Variants in LDLRAD4 observed in about 807,000 individuals in gnomAD.
LDLRAD4 encodes the protein low density lipoprotein receptor class A domain containing 4, also known as low-density lipoprotein receptor class A domain-containing protein 4.
LDLRAD4 carries 5 observed loss-of-function variants against 17.0 expected under a neutral mutation model. That is an observed-to-expected ratio of 0.29 (90% CI 0.15 to 0.62). The LOEUF (loss-of-function observed/expected upper bound fraction) is 0.62. Among genes scored for constraint, LDLRAD4 ranks in the 20% least tolerant of loss-of-function variants. The pLI is 0.84. For missense variants in LDLRAD4, 340 were observed against 424.7 expected (o/e 0.80, Z 1.75); for synonymous variants, 168 against 171.8 (o/e 0.98, Z 0.17).
intron 1 of LDLRAD4, among the ~76,000 whole-genome samples, chr18:13,315,757 C>G (rs1481233708): frequency 1.4e-5 from 2 of 145,474 alleles, no homozygotes; most frequent in African/African-American, 5.2e-5. Flanking sequence ...GCACTCCAGC[C>G]TGGGCAACAA....
intron 3 of LDLRAD4, chr18:13,488,494 T>A (rs1200053480): frequency 6.6e-6 from 1 of 152,260 alleles, no homozygotes; most frequent in Non-Finnish European, 1.5e-5. Flanking sequence ...CTATTTCTTG[T>A]AACCAGCCAG....
chr18:13,543,234 A>C (rs1277893017), intron 3 of LDLRAD4: 1 of 152,166 alleles, frequency 6.6e-6, no homozygotes, highest in Non-Finnish European at 1.5e-5. Context: ...AGGGCCTGGG[A>C]CAACCACGGG....
At chr18:13,261,767 G>A (rs891943114) in intron 1 of LDLRAD4, among the ~76,000 whole-genome samples, 6 of 152,182 alleles carry the variant, frequency 3.9e-5, no homozygotes, top group African/African-American at 1.4e-4. Context: ...TGGCTTACCC[G>A]GCTGCAGGCA....
intron 3 of LDLRAD4, among the ~76,000 whole-genome samples, chr18:13,468,383 C>T (rs1390542986): frequency 6.6e-6 from 1 of 152,138 alleles, no homozygotes; most frequent in Non-Finnish European, 1.5e-5. Flanking sequence ...GAAATAGGAA[C>T]ACTTTTACAC....
chr18:13,645,191 T>A lies in LDLRAD4; in HGVS notation c.455T>A (p.Phe152Tyr). 1 of 1,614,098 alleles carries A rather than the reference T, an allele frequency of 6.2e-7. No homozygotes were observed. The highest frequency in any genetic ancestry group is 1.1e-5 in the South Asian group (1 of 91,082). The change falls in exon 6 of 6, where the codon TTC (phenylalanine) becomes TAC (tyrosine). Residue 152 changes from phenylalanine (F) to tyrosine (Y), a missense_variant. Transcript: ENST00000359446. This position sits in a 1 kb window ranked among gnomAD's most constrained non-coding sequence, Gnocchi z 5.7. ...CCGTCCTTCATCCAGAGGGATCGCT[T>A]CAGCCGCTTCCAGCCCACCTACCCC...
intron 1 of LDLRAD4, among the ~76,000 whole-genome samples, chr18:13,233,976 C>T (rs184966634): frequency 2.0e-5 from 3 of 152,168 alleles, no homozygotes; most frequent in Non-Finnish European, 4.4e-5. Context: ...TCAGGCCACA[C>T]ATCTCAGACA....
At chr18:13,394,920 G>C (rs753711610) in intron 2 of LDLRAD4, among the ~76,000 whole-genome samples, 1 of 152,216 alleles carries the variant, frequency 6.6e-6, no homozygotes, top group African/African-American at 2.4e-5. Context: ...GCTTCCATAC[G>C]TGGCCTCTTG....
At chr18:13,588,621 C>T (rs1013153290) in intron 3 of LDLRAD4, among the ~76,000 whole-genome samples, 7 of 152,132 alleles carry the variant, frequency 4.6e-5, no homozygotes, top group African/African-American at 1.7e-4. Flanking sequence ...GAAGGGACAG[C>T]AAGTTCCTTT....
chr18:13,347,161 T>C (rs1237506601), intron 1 of LDLRAD4, among the ~76,000 whole-genome samples: 1 of 152,248 alleles, frequency 6.6e-6, no homozygotes, highest in Non-Finnish European at 1.5e-5. Context: ...AGTTTCTTCC[T>C]AGCCTCGATG....
chr18:13,566,279 C>G (rs1487542029), intron 3 of LDLRAD4, among the ~76,000 whole-genome samples: 1 of 152,096 alleles, frequency 6.6e-6, no homozygotes, highest in African/African-American at 2.4e-5. Flanking sequence ...GAAGGTCAGT[C>G]TGTCCTGGAG....
chr18:13,295,210 A>G lies in LDLRAD4; in HGVS notation c.-383+17022A>G, dbSNP rs118136568. ...CAAGATACTTTCTGTCTTGCTTGGA[A>G]TTTCCCCTCACACAGGGCTTACCCT... On this transcript the variant is annotated intron_variant, in intron 1 of 5. Coordinates refer to ENST00000359446, the Ensembl canonical transcript of LDLRAD4. 8.6e-3 allele frequency among the ~76,000 whole-genome samples: 1,304 copies of G among 152,256 alleles called. 32 individuals are homozygous for G. The East Asian group carries it at 0.11, about 13-fold the overall frequency.
upstream of LDLRAD4, among the ~76,000 whole-genome samples, chr18:13,275,617 GTAAT>G (rs2044816839): frequency 3.9e-5 from 6 of 152,318 alleles, no homozygotes; most frequent in South Asian, 1.2e-3. Context: ...ATTGAAGAGT[GTAAT>G]TGATTGTTTG....
chr18:13,444,761 T>C (rs2091274011), intron 3 of LDLRAD4, among the ~76,000 whole-genome samples: 1 of 152,212 alleles, frequency 6.6e-6, no homozygotes, highest in South Asian at 2.1e-4. Context: ...ATATGGGGCA[T>C]GGCCCTGTAA....
At chr18:13,449,105 A>G (rs1243683475) in intron 3 of LDLRAD4, among the ~76,000 whole-genome samples, 1 of 152,242 alleles carries the variant, frequency 6.6e-6, no homozygotes, top group Admixed American at 6.5e-5. Flanking sequence ...GATAAAAAAT[A>G]TTTTCAAAGT....
intron 4 of LDLRAD4, among the ~76,000 whole-genome samples, chr18:13,633,517 T>G (rs1292799986): frequency 6.6e-6 from 1 of 152,178 alleles, no homozygotes; most frequent in Non-Finnish European, 1.5e-5. Context: ...CACCCCTGCC[T>G]CAGCCTCCCA....
At chr18:13,438,260 C>T (rs772243127) in exon 3 of LDLRAD4, 2 of 1,613,928 alleles carry the variant, frequency 1.2e-6, no homozygotes, top group East Asian at 2.2e-5. Context: ...AATTCACCTG[C>T]ACCAGTGGTA....
intron 3 of LDLRAD4, among the ~76,000 whole-genome samples, chr18:13,544,040 C>T (rs1406070051): frequency 6.6e-6 from 1 of 152,274 alleles, no homozygotes; most frequent in East Asian, 1.9e-4. Context: ...ACAGTGTGCA[C>T]ACAGGGTGAG....
intron 3 of LDLRAD4, among the ~76,000 whole-genome samples, chr18:13,452,856 A>G (rs778789446): frequency 1.3e-5 from 2 of 152,178 alleles, no homozygotes; most frequent in Non-Finnish European, 2.9e-5. Flanking sequence ...GTCAGTGGCA[A>G]TGAGTCCAGC....
At chr18:13,224,579 A>G (rs1324177429) in intron 1 of LDLRAD4, among the ~76,000 whole-genome samples, 1 of 135,360 alleles carries the variant, frequency 7.4e-6, no homozygotes, top group Non-Finnish European at 1.5e-5. Flanking sequence ...TCCAGGGTTC[A>G]TGCCATTCTC....
Sources: allele counts gnomAD v4.1 joint callset (sites outside exome capture counted in the v4.1 genomes callset), GRCh38; gene constraint gnomAD v4.1.1; non-coding constraint Gnocchi (gnomAD v3.1); transcripts MANE v1.5; gene names NCBI Gene and HGNC (gene_info 2026-07-23, HGNC 2026-07-21).